TRPC4: variants seen among roughly 807,000 people sequenced by gnomAD.
TRPC4 encodes the protein short transient receptor potential channel 4.
A neutral mutation model predicts 99.4 loss-of-function variants in TRPC4; 49 were observed. The ratio of observed to expected loss-of-function variants is 0.49; its 90% confidence interval spans 0.39 to 0.63. The LOEUF (loss-of-function observed/expected upper bound fraction) is 0.63, where lower values mean the gene tolerates loss of function less well. Among genes scored for constraint, TRPC4 ranks in the 20% least tolerant of loss-of-function variants. TRPC4 has a pLI of 0.00. For synonymous variants in TRPC4, 454 were observed against 425.9 expected (o/e 1.07, Z -0.81); for missense variants, 898 against 1,152.9 (o/e 0.78, Z 3.20).
At chr13:37,803,318 G>A (rs1270727560) in intron 1 of TRPC4, among the ~76,000 whole-genome samples, 3 of 152,006 alleles carry the variant, frequency 2.0e-5, no homozygotes, top group Non-Finnish European at 4.4e-5. Flanking sequence ...GATACTAAGT[G>A]TGCTTGCTAC....
At chr13:37,773,049 C>T (rs1225002373) in intron 2 of TRPC4, among the ~76,000 whole-genome samples, 1 of 151,684 alleles carries the variant, frequency 6.6e-6, no homozygotes, top group Non-Finnish European at 1.5e-5. Context: ...AAATCAGTAA[C>T]TTAATGCACT....
chr13:37,866,844 T>TTGCG (rs55985932), intron 1 of TRPC4, among the ~76,000 whole-genome samples: 1 of 85,094 alleles, frequency 1.2e-5, no homozygotes, highest in East Asian at 3.0e-4. Context: ...GTTTATTTTT[T>TTGCG]GTGGGGGGGG....
chr13:37,798,118 T>C lies in TRPC4; in HGVS notation c.-27-14758A>G, dbSNP rs548451830. Among the ~76,000 whole-genome samples the C allele has an allele frequency of 3.3e-5, 5 of 152,316 alleles. No individual in the cohort carries two copies. The South Asian group carries it at 1.0e-3, about 32-fold the overall frequency. On this transcript the variant is annotated intron_variant, in intron 1 of 10. Transcript: ENST00000379705. ...GATTATTCACATAAATAGCATAGTG[T>C]ATTTTCCATCAAATCTTCATTTAAG... is the stretch of plus-strand genomic sequence containing the variant.
At chr13:37,783,880 T>C (rs1435120115) in intron 1 of TRPC4, among the ~76,000 whole-genome samples, 4 of 151,328 alleles carry the variant, frequency 2.6e-5, no homozygotes, top group Admixed American at 2.6e-4. Flanking sequence ...TTTTGTTTTG[T>C]TTTTTTTGGT....
At position 37,832,143 on chromosome 13, in the gene TRPC4, C is replaced by A. The variant is rs77718105; in HGVS notation, c.-28+37452G>T. On this transcript the variant is annotated intron_variant, in intron 1 of 10. Coordinates refer to ENST00000379705, the MANE Select transcript of TRPC4 (RefSeq NM_016179.4). ...ATTTGTAACACAACATTACATTGTA[C>A]CCCACAAATATATGCAATCATTATT... Among the ~76,000 whole-genome samples, 1,361 of 152,168 alleles carry A rather than the reference C, an allele frequency of 8.9e-3. 35 individuals are homozygous for A. In the East Asian group the frequency reaches 0.1, roughly 11 times the overall value.
Position 37,649,750 on chromosome 13 carries a change from A to AC in TRPC4, c.2079+1514_2079+1515insG, listed in dbSNP as rs1566067322. Among the ~76,000 whole-genome samples, 3 of 139,306 alleles carry AC rather than the reference A, an allele frequency of 2.2e-5. No homozygotes were observed. The East Asian group carries it at 6.2e-4, about 29-fold the overall frequency. 91.4% of individuals were successfully genotyped at this position (139,306 alleles called of 152,430 possible). A position where few individuals can be genotyped will look rare whatever the true frequency, so the allele number is the denominator to read the frequency against. ...CCGTCTCAAAAAAAAAAAAAAAAAAAAAAAAAAAAACAACAACAAAGAACT... is the reference window on the plus strand; with the variant it reads ...CCGTCTCAAAAAAAAAAAAAAAAAAACAAAAAAAAAACAACAACAAAGAACT... On this transcript the variant is annotated intron_variant, in intron 8 of 10. Transcript: ENST00000379705.
intron 5 of TRPC4, among the ~76,000 whole-genome samples, chr13:37,668,115 T>C (rs1952709897): frequency 1.3e-5 from 2 of 152,202 alleles, no homozygotes; most frequent in African/African-American, 4.8e-5. Context: ...TGTTGTAAAG[T>C]AATCCTTTAG....
intron 1 of TRPC4, chr13:37,854,820 A>G (rs1959144479): frequency 6.6e-6 from 1 of 152,052 alleles, no homozygotes; most frequent in Non-Finnish European, 1.5e-5. Flanking sequence ...TGGAAAGAAG[A>G]CAGTAAAAAA....
chr13:37,647,562 A>G lies in TRPC4; in HGVS notation c.2079+3703T>C, dbSNP rs1951889436. 2.6e-5 allele frequency among the ~76,000 whole-genome samples: 4 copies of G among 152,228 alleles called. No individual in the cohort carries two copies. In the South Asian group the frequency reaches 8.3e-4, roughly 31 times the overall value. ...TGATGGAAAGCAGTTTGAACTGGGA[A>G]ACAATGGAAGACCCAGCAATTTCCC... On this transcript the variant is annotated intron_variant, in intron 8 of 10. Coordinates refer to ENST00000379705, the MANE Select transcript of TRPC4 (RefSeq NM_016179.4).
At chr13:37,722,680 A>G (rs1593589573) in intron 3 of TRPC4, among the ~76,000 whole-genome samples, 1 of 152,204 alleles carries the variant, frequency 6.6e-6, no homozygotes. Context: ...AGGTTTCAAA[A>G]TATGTAGTTT....
chr13:37,865,405 T>G (rs1663549643), intron 1 of TRPC4, among the ~76,000 whole-genome samples: 1 of 151,676 alleles, frequency 6.6e-6, no homozygotes. Flanking sequence ...TCATGAGTAT[T>G]TCTAAAAAAT....
chr13:37,847,511 A>G (rs892060358), intron 1 of TRPC4, among the ~76,000 whole-genome samples: 1 of 152,120 alleles, frequency 6.6e-6, no homozygotes, highest in Non-Finnish European at 1.5e-5. Flanking sequence ...TGGAAACACA[A>G]CATGCTAAAC....
chr13:37,746,204 T>C lies in TRPC4; in HGVS notation c.630A>G (p.Ala210=). ...TGAGAAAAGGATCTTCGCTTGACAG[T>C]GCAATGAGAGAGGGACTGGCCAAGG... ...YKALASPSLI[A]LSSEDPFLTA... Residue 210 remains alanine, a synonymous_variant, in exon 3 of 11, where the codon GCA becomes GCG. Coordinates refer to ENST00000379705, the MANE Select transcript of TRPC4 (RefSeq NM_016179.4). The C allele has an allele frequency of 1.2e-6, 2 of 1,613,822 alleles. No individual in the cohort carries two copies. The highest frequency in any genetic ancestry group is 1.7e-5 in the Admixed American group (1 of 59,984).
At chr13:37,682,228 T>C (rs922099236) in intron 4 of TRPC4, among the ~76,000 whole-genome samples, 19 of 152,204 alleles carry the variant, frequency 1.2e-4, no homozygotes, top group African/African-American at 3.6e-4. Context: ...GCCGCAAAGC[T>C]GTCGGGGGCC....
intron 2 of TRPC4, among the ~76,000 whole-genome samples, chr13:37,753,202 G>T (rs1013344598): frequency 6.6e-6 from 1 of 151,948 alleles, no homozygotes; most frequent in Admixed American, 6.6e-5. Context: ...TCAAAGAGAA[G>T]ACATGAGAGA....
chr13:37,771,610 T>C (rs947444609), intron 2 of TRPC4, among the ~76,000 whole-genome samples: 2 of 151,306 alleles, frequency 1.3e-5, no homozygotes, highest in African/African-American at 4.9e-5. Context: ...AGAAAGCAGA[T>C]ATAAAGAACA....
intron 1 of TRPC4, among the ~76,000 whole-genome samples, chr13:37,803,576 T>C (rs1957459549): frequency 6.6e-6 from 1 of 152,120 alleles, no homozygotes; most frequent in Admixed American, 6.6e-5. Flanking sequence ...TTAGTAGATA[T>C]CAGACACTGT....
At chr13:37,857,920 C>A (rs1214721031) in intron 1 of TRPC4, among the ~76,000 whole-genome samples, 3 of 151,582 alleles carry the variant, frequency 2.0e-5, no homozygotes, top group African/African-American at 7.3e-5. Context: ...CAAATGGGAT[C>A]ACATCAAGTT....
At chr13:37,848,168 T>C (rs984409312) in intron 1 of TRPC4, among the ~76,000 whole-genome samples, 2 of 152,142 alleles carry the variant, frequency 1.3e-5, no homozygotes, top group African/African-American at 4.8e-5. Flanking sequence ...ATTTCAAATG[T>C]TTCACCATAA....
Sources: allele counts gnomAD v4.1 joint callset (sites outside exome capture counted in the v4.1 genomes callset), GRCh38; gene constraint gnomAD v4.1.1; transcripts MANE v1.5; gene names NCBI Gene and HGNC (gene_info 2026-07-23, HGNC 2026-07-21).